Variants in FAT4 observed in about 807,000 individuals in gnomAD.
The protein encoded by FAT4 is FAT atypical cadherin 4.
Under a neutral mutation model 303.9 loss-of-function variants are expected in FAT4, and 84 were observed. The ratio of observed to expected loss-of-function variants is 0.28; its 90% CI spans 0.23 to 0.33. The LOEUF (loss-of-function observed/expected upper bound fraction) is 0.33, where lower values mean the gene tolerates loss of function less well. Among genes scored for constraint, FAT4 ranks in the 10% least tolerant of loss-of-function variants. The pLI is 1.00. For missense variants in FAT4, 6,005 were observed against 6,146.8 expected, an observed-to-expected ratio of 0.98 and a Z score of 0.77; for synonymous variants, 2,307 against 2,298.8, an observed-to-expected ratio of 1.00 and a Z score of -0.10.
At chr4:125,410,539 A>G (rs1312374116) in intron 5 of FAT4, among the ~76,000 whole-genome samples, 4 of 152,098 alleles carry the variant, frequency 2.6e-5, no homozygotes, top group Non-Finnish European at 5.9e-5. Context: ...ATGTATTCTT[A>G]TTTGTCCTGT....
intron 3 of FAT4, among the ~76,000 whole-genome samples, chr4:125,406,309 T>C (rs1478447219): frequency 6.6e-6 from 1 of 152,208 alleles, no homozygotes; most frequent in African/African-American, 2.4e-5. Context: ...TTGACTATCA[T>C]GCATGGATTT....
rs1423578835 is a variant in FAT4 at position 125,449,466 on chromosome 4, C to G, written c.8456C>G (p.Pro2819Arg). Residue 2819 changes from proline (P) to arginine (R), a missense_variant, in exon 10 of 18, where the codon CCA becomes CGA. By Grantham distance (103) the Pro-to-Arg change is moderately radical. Coordinates refer to ENST00000394329, the MANE Select transcript of FAT4 (RefSeq NM_001291303.3). ...SRYSIMDASL[P>R]FTINPSTGDI... ...TATTCTATAATGGATGCAAGTCTTC[C>G]ATTTACAATTAATCCCAGCACAGGG... 6.2e-7 allele frequency: 1 copy of G among 1,613,664 alleles called. No homozygotes were observed. Among genetic ancestry groups the G allele is most frequent in the Non-Finnish European group, 8.5e-7 (1 of 1,179,836 alleles).
At position 125,490,183 on chromosome 4, in the gene FAT4, C is replaced by A. The variant is rs770036596; in HGVS notation, c.13367C>A (p.Pro4456Gln). Reference sequence around the variant, plus strand: ...CACTCCGGCTTCACCTGTAGCTGCCCAGACTCGCACACGGGAAGGACCTGT... The same window carrying A: ...CACTCCGGCTTCACCTGTAGCTGCCAAGACTCGCACACGGGAAGGACCTGT... The part of the protein sequence containing the change: ...GLHSGFTCSC[P>Q]DSHTGRTCEM... The change falls in exon 18 of 18, where the codon CCA (proline) becomes CAA (glutamine). Residue 4456 changes from proline to glutamine, a missense_variant. By Grantham distance (76) the Pro-to-Gln change is moderately conservative. Coordinates refer to ENST00000394329, the MANE Select transcript of FAT4 (RefSeq NM_001291303.3). 6.2e-7 allele frequency: 1 copy of A among 1,614,154 alleles called. No individual in the cohort carries two copies. Among genetic ancestry groups the A allele is most frequent in the Non-Finnish European group, 8.5e-7 (1 of 1,180,030 alleles).
In FAT4 at chr4:125,446,327, A is replaced by C; in HGVS notation, c.7234A>C (p.Ile2412Leu). ...RIIGGNSQFT[I>L]NPSTGQIITS... The stretch of plus-strand genomic sequence containing the variant: ...CATCGGTGGAAACTCTCAGTTCACG[A>C]TCAACCCATCGACAGGACAAATCAT... Residue 2412 changes from isoleucine to leucine, a missense_variant, in exon 9 of 18, where the codon ATC (isoleucine) becomes CTC (leucine). By Grantham distance (5) the Ile-to-Leu change is conservative. Coordinates refer to ENST00000394329, the MANE Select transcript of FAT4 (RefSeq NM_001291303.3). 6.2e-7 allele frequency: 1 copy of C among 1,613,200 alleles called. No individual in the cohort carries two copies. Among genetic ancestry groups the C allele is most frequent in the Non-Finnish European group, 8.5e-7 (1 of 1,179,298 alleles).
chr4:125,424,509 A>C (rs935599104), intron 7 of FAT4, among the ~76,000 whole-genome samples: 2 of 152,206 alleles, frequency 1.3e-5, no homozygotes, highest in African/African-American at 4.8e-5. Context: ...TAAATTGCCC[A>C]GTCCCAGGTA....
intron 2 of FAT4, among the ~76,000 whole-genome samples, chr4:125,347,008 T>C (rs1732028277): frequency 6.6e-6 from 1 of 151,946 alleles, no homozygotes; most frequent in African/African-American, 2.4e-5. Context: ...TATAATTCAG[T>C]GACTCTAGGA....
rs199497561 is a variant in FAT4 at position 125,319,328 on chromosome 4, G to T, written c.2917G>T (p.Val973Phe). The change falls in exon 2 of 18, where the codon GTC becomes TTC. Residue 973 changes from valine (V) to phenylalanine (F), a missense_variant. Physicochemically the swap from Val to Phe is conservative, Grantham distance 50 (BLOSUM62 -1). Coordinates refer to ENST00000394329, the MANE Select transcript of FAT4 (RefSeq NM_001291303.3). ...QIEILASDMG[V>F]PQLSSSVILT... is the part of the protein sequence containing the mutation. ...AGAGATCTTGGCATCTGACATGGGT[G>T]TCCCACAGCTCTCCTCTAGTGTCAT... 6.2e-7 allele frequency: 1 copy of T among 1,613,832 alleles called. No individual in the cohort carries two copies. Among genetic ancestry groups the T allele is most frequent in the East Asian group, 2.2e-5 (1 of 44,880 alleles).
chr4:125,373,528 G>T (rs1251927093), intron 2 of FAT4, among the ~76,000 whole-genome samples: 1 of 152,146 alleles, frequency 6.6e-6, no homozygotes, highest in Non-Finnish European at 1.5e-5. Context: ...GTTTATGTGT[G>T]TTTATTGAAT....
At chr4:125,464,962 A>T (rs1726611452) in intron 11 of FAT4, among the ~76,000 whole-genome samples, 1 of 152,214 alleles carries the variant, frequency 6.6e-6, no homozygotes, top group African/African-American at 2.4e-5. Flanking sequence ...CGCAGTTCCT[A>T]ATAACCTGTA....
chr4:125,482,991 G>C (rs1192420834), intron 16 of FAT4, among the ~76,000 whole-genome samples: 1 of 152,194 alleles, frequency 6.6e-6, no homozygotes, highest in Non-Finnish European at 1.5e-5. Context: ...ACGGTTAGGA[G>C]TTGGGAGAGT....
intron 2 of FAT4, among the ~76,000 whole-genome samples, chr4:125,347,312 A>G (rs1052474083): frequency 6.6e-6 from 1 of 151,260 alleles, no homozygotes; most frequent in Non-Finnish European, 1.5e-5. Context: ...AAAAAGACCA[A>G]TCAATTAATG....
At position 125,490,997 on chromosome 4, in the gene FAT4, A is replaced by T. The variant is rs529643813; in HGVS notation, c.14181A>T (p.Ile4727=). The change falls in exon 18 of 18, where the codon ATA becomes ATT. Residue 4727 remains isoleucine, a synonymous_variant. Transcript: ENST00000394329. ...NSPARELHLP[I]RDGNTLEMHG... ...CAGCAAGGGAATTGCATCTTCCTAT[A>T]AGGGATGGTAATACTTTGGAAATGC... 49 of 1,614,146 alleles carry T rather than the reference A, an allele frequency of 3.0e-5. No individual in the cohort carries two copies. Among genetic ancestry groups the T allele is most frequent in the Non-Finnish European group, 3.4e-5 (40 of 1,180,024 alleles).
At chr4:125,482,760 T>C (rs1338151572) in intron 16 of FAT4, among the ~76,000 whole-genome samples, 1 of 152,182 alleles carries the variant, frequency 6.6e-6, no homozygotes, top group East Asian at 1.9e-4. Context: ...AAAATAAAAA[T>C]AGATGTTCAC....
chr4:125,353,644 G>C (rs906958143), intron 2 of FAT4, among the ~76,000 whole-genome samples: 12 of 151,610 alleles, frequency 7.9e-5, no homozygotes, highest in African/African-American at 2.9e-4. Context: ...ATACATATAT[G>C]TATTATATAT....
chr4:125,335,349 G>A (rs889991909), intron 2 of FAT4, among the ~76,000 whole-genome samples: 1 of 152,034 alleles, frequency 6.6e-6, no homozygotes, highest in African/African-American at 2.4e-5. Context: ...TGATGATGGG[G>A]TTGAGGTAGT....
chr4:125,436,864 AT>A (rs1397468298), intron 8 of FAT4, among the ~76,000 whole-genome samples: 1 of 151,104 alleles, frequency 6.6e-6, no homozygotes, highest in African/African-American at 2.4e-5. Context: ...TTATCTATGT[AT>A]TTTTTTTGAG....
intron 10 of FAT4, among the ~76,000 whole-genome samples, chr4:125,461,169 G>A (rs926798941): frequency 4.6e-5 from 7 of 152,048 alleles, no homozygotes; most frequent in South Asian, 2.1e-4. Flanking sequence ...GCAATAGCCT[G>A]TATTTTATAT....
intron 2 of FAT4, among the ~76,000 whole-genome samples, chr4:125,370,776 A>G (rs1733075136): frequency 6.6e-6 from 1 of 152,174 alleles, no homozygotes; most frequent in Non-Finnish European, 1.5e-5. Context: ...AAAGTTTGAA[A>G]ATTTCAAATT....
chr4:125,332,159 C>CTTTTTTTTTTTTTTTT (rs199702900), intron 2 of FAT4, among the ~76,000 whole-genome samples: 1 of 133,304 alleles, frequency 7.5e-6, no homozygotes, highest in Non-Finnish European at 1.6e-5. Context: ...CCGTTCCATT[C>CTTTTTTTTTTTTTTTT]TTTTTTTTTT....
Sources: allele counts gnomAD v4.1 joint callset (sites outside exome capture counted in the v4.1 genomes callset), GRCh38; gene constraint gnomAD v4.1.1; transcripts MANE v1.5; gene names NCBI Gene and HGNC (gene_info 2026-07-23, HGNC 2026-07-21).